The following CRACR2A variants were observed in gnomAD, a reference collection of about 807,000 sequenced individuals.
CRACR2A encodes the protein EF-hand calcium-binding domain-containing protein 4B.
In CRACR2A, 79 loss-of-function variants were observed where a neutral mutation model predicts 90.5. That is an observed-to-expected ratio of 0.87 (90% CI 0.73 to 1.05). The LOEUF (loss-of-function observed/expected upper bound fraction) is 1.05. Among genes scored for constraint, CRACR2A ranks in the 50% least tolerant of loss-of-function variants. CRACR2A has a pLI of 0.00. For synonymous variants in CRACR2A, 338 were observed against 356.7 expected (o/e 0.95, Z 0.59); for missense variants, 823 against 897.2 (o/e 0.92, Z 1.06).
chr12:3,719,555 T>C (rs1376098684), intron 2 of CRACR2A, among the ~76,000 whole-genome samples: 1 of 152,248 alleles, frequency 6.6e-6, no homozygotes, highest in Non-Finnish European at 1.5e-5. Flanking sequence ...GGGTTCTCTT[T>C]GATTTAACTT....
chr12:3,708,463 C>A (rs540870018), intron 3 of CRACR2A, among the ~76,000 whole-genome samples: 1 of 152,180 alleles, frequency 6.6e-6, no homozygotes, highest in Non-Finnish European at 1.5e-5. Flanking sequence ...CTCACTCAGT[C>A]GCCCAGGCTG....
intron 2 of CRACR2A, among the ~76,000 whole-genome samples, chr12:3,722,590 C>T (rs181534482): frequency 1.3e-5 from 2 of 152,238 alleles, no homozygotes; most frequent in East Asian, 3.9e-4. Context: ...TGATGAACTC[C>T]GTGGCTCCTG....
rs371558093 is a variant in CRACR2A, at chr12:3,627,473, G to A, written c.1895C>T (p.Ser632Leu). Residue 632 changes from serine to leucine, a missense_variant, in exon 17 of 20, where the codon TCG (serine) becomes TTG (leucine). Coordinates refer to ENST00000440314, the MANE Select transcript of CRACR2A (RefSeq NM_001144958.2). ...IVMYDLTDKQSFLSVRRWLSS... is the reference protein window; with the variant it reads ...IVMYDLTDKQLFLSVRRWLSS... ...CAGCCACCGCCGGACCGACAGGAAC[G>A]ACTGCTTGTCTGTGAGATCGTACAT... 3.2e-6 allele frequency: 5 copies of A among 1,551,852 alleles called. No homozygotes were observed. The highest frequency in any genetic ancestry group is 1.2e-5 in the South Asian group (1 of 84,044).
chr12:3,682,998 G>C (rs1945486572), intron 4 of CRACR2A, among the ~76,000 whole-genome samples: 1 of 152,110 alleles, frequency 6.6e-6, no homozygotes, highest in Non-Finnish European at 1.5e-5. Context: ...GGCCAGGCTG[G>C]TCTTGAACTC....
At chr12:3,631,314 A>G in intron 15 of CRACR2A, among the ~76,000 whole-genome samples, 1 of 152,112 alleles carries the variant, frequency 6.6e-6, no homozygotes, top group Middle Eastern at 3.2e-3. Context: ...AGAGCCTACC[A>G]TCTCAGGGCC....
At chr12:3,618,898 C>T (rs150744717) in intron 18 of CRACR2A, among the ~76,000 whole-genome samples, 1 of 152,324 alleles carries the variant, frequency 6.6e-6, no homozygotes, top group African/African-American at 2.4e-5. Context: ...GAAGAATACA[C>T]TGCTTTGCAG....
intron 6 of CRACR2A, among the ~76,000 whole-genome samples, chr12:3,674,407 C>T (rs935945746): frequency 6.6e-6 from 1 of 152,164 alleles, no homozygotes; most frequent in Non-Finnish European, 1.5e-5. Flanking sequence ...GGCTGACACC[C>T]AGGGAGGGAA....
chr12:3,744,776 G>A (rs1946583957), intron 1 of CRACR2A, among the ~76,000 whole-genome samples: 2 of 152,166 alleles, frequency 1.3e-5, no homozygotes. Flanking sequence ...AGGCCATTGT[G>A]CAGAGAGCGA....
chr12:3,702,332 A>G (rs1945846158), intron 3 of CRACR2A, among the ~76,000 whole-genome samples: 1 of 152,236 alleles, frequency 6.6e-6, no homozygotes, highest in Non-Finnish European at 1.5e-5. Flanking sequence ...GAAATAAAAT[A>G]CATTCAGATT....
Position 3,673,582 on chromosome 12 carries a change from C to T in CRACR2A, c.535G>A (p.Val179Ile), listed in dbSNP as rs1375263930. 6.2e-7 allele frequency: 1 copy of T among 1,613,178 alleles called. No individual in the cohort carries two copies. The highest frequency in any genetic ancestry group is 2.2e-5 in the East Asian group (1 of 44,886). The change falls in exon 7 of 20, where the codon GTC (valine) becomes ATC (isoleucine). Residue 179 changes from valine to isoleucine, a missense_variant. By Grantham distance (29) the Val-to-Ile change is conservative. Coordinates refer to ENST00000440314, the MANE Select transcript of CRACR2A (RefSeq NM_001144958.2). ...AQKVLEDESD[V>I]KQLWLQLKKE... ...TTCAGCTGCAACCAGAGCTGCTTGA[C>T]ATCACTTTCACTGCAAGAGAAGGGA...
chr12:3,628,890 T>C (rs1324540587), intron 15 of CRACR2A, among the ~76,000 whole-genome samples: 1 of 152,102 alleles, frequency 6.6e-6, no homozygotes, highest in Non-Finnish European at 1.5e-5. Flanking sequence ...GGGCAAAGGC[T>C]AGTGCATTAA....
intron 3 of CRACR2A, among the ~76,000 whole-genome samples, chr12:3,702,204 G>C (rs907464409): frequency 1.3e-5 from 2 of 152,128 alleles, no homozygotes; most frequent in African/African-American, 2.4e-5. Context: ...TCATACTTAA[G>C]GGTGAAAGAC....
chr12:3,668,677 C>T (rs1250499796), intron 7 of CRACR2A, among the ~76,000 whole-genome samples: 1 of 151,980 alleles, frequency 6.6e-6, no homozygotes, highest in Non-Finnish European at 1.5e-5. Context: ...CACAGGCTGC[C>T]GATCCTTAGG....
Position 3,638,118 on chromosome 12 carries a change from C to T in CRACR2A, c.1602+6G>A, listed in dbSNP as rs145536162. The T allele has an allele frequency of 3.9e-3, 5,971 of 1,538,484 alleles. 19 individuals are homozygous for T. The highest frequency in any genetic ancestry group is 4.6e-3 in the Non-Finnish European group (5,195 of 1,137,726). Reference sequence around the variant, plus strand: ...GTGCATGAACCAAGGTAGGCTGTGCCCTTACCTTACACAGGGCTTCTTTTC... The same window carrying T: ...GTGCATGAACCAAGGTAGGCTGTGCTCTTACCTTACACAGGGCTTCTTTTC... On this transcript the variant is annotated splice_donor_region_variant and intron_variant, in intron 14 of 19. Transcript: ENST00000440314.
intron 15 of CRACR2A, 115 bp from the exon 16 acceptor site, chr12:3,627,821 T>G: frequency 9.1e-7 from 1 of 1,101,526 alleles, no homozygotes; most frequent in Non-Finnish European, 1.3e-6. Context: ...GTGACAACCC[T>G]CCATGTGCAG....
chr12:3,688,940 T>G (rs1945609321), intron 4 of CRACR2A, among the ~76,000 whole-genome samples: 1 of 152,130 alleles, frequency 6.6e-6, no homozygotes. Flanking sequence ...ATTCCTTAGC[T>G]GTATTTTATT....
chr12:3,714,220 CT>C (rs1169747224), intron 2 of CRACR2A, among the ~76,000 whole-genome samples: 2 of 152,166 alleles, frequency 1.3e-5, no homozygotes, highest in Non-Finnish European at 2.9e-5. Context: ...TGTGCAGGCA[CT>C]TTTTTTAGGT....
At chr12:3,641,967 G>A (rs1944579993) in intron 12 of CRACR2A, 129 bp from the exon 13 acceptor site, 2 of 769,492 alleles carry the variant, frequency 2.6e-6, no homozygotes, top group South Asian at 3.5e-5. Flanking sequence ...GCAGTGTTCT[G>A]GTCTCCCTGT....
At chr12:3,660,178 C>T (rs188550308) in intron 7 of CRACR2A, among the ~76,000 whole-genome samples, 1 of 152,316 alleles carries the variant, frequency 6.6e-6, no homozygotes, top group Non-Finnish European at 1.5e-5. Flanking sequence ...TCAGGGGACT[C>T]TCCCTGTATG....
Sources: gnomAD v4.1 joint callset for allele counts (sites outside exome capture counted in the v4.1 genomes callset) on GRCh38, gnomAD v4.1.1 for gene constraint, MANE v1.5 for transcripts, NCBI Gene and HGNC (gene_info 2026-07-23, HGNC 2026-07-21) for gene names.